Variants in FOXD4 observed in about 807,000 individuals in gnomAD.
FOXD4 encodes forkhead box D4.
In FOXD4, 22 loss-of-function variants were observed where a neutral mutation model predicts 26.5. The ratio of observed to expected loss-of-function variants is 0.83; its 90% CI spans 0.59 to 1.18. The LOEUF (loss-of-function observed/expected upper bound fraction) is 1.18. Among genes scored for constraint, FOXD4 ranks in the 50% most tolerant of loss-of-function variants. The pLI is 0.00. For missense variants in FOXD4, 625 were observed against 605.8 expected, an observed-to-expected ratio of 1.03 and a Z score of -0.33; for synonymous variants, 258 against 273.7, an observed-to-expected ratio of 0.94 and a Z score of 0.57.
rs1436016070 is a variant in FOXD4 at position 116,866 on chromosome 9, C to A, written c.1254G>T (p.Gly418=). ...GCGATACTAAAAAAACTGGTGAGGT[C>A]CCCTCTCCGCCCAAAGGGGCGGCCA... ...TSLAAPLGGE[G]TSPVFLVSPT... Residue 418 remains glycine, a synonymous_variant, in exon 1 of 1, where the codon GGG becomes GGT. Coordinates refer to ENST00000382500, the MANE Select transcript of FOXD4 (RefSeq NM_207305.5). The A allele has an allele frequency of 3.7e-6, 6 of 1,609,774 alleles. No homozygotes were observed. Among genetic ancestry groups the A allele is most frequent in the Non-Finnish European group, 5.1e-6 (6 of 1,178,530 alleles).
rs756908940 is a variant in FOXD4, at chr9:118,078, C to T, written c.42G>A (p.Gln14=). ...CCCCATCGGAGTCCCGGAGGCTGCGCTGCGGTGTGGAGCGAAGGCGCTCAG... is the reference window on the plus strand; with the variant it reads ...CCCCATCGGAGTCCCGGAGGCTGCGTTGCGGTGTGGAGCGAAGGCGCTCAG... ...PRAERLRSTP[Q]RSLRDSDGED... Residue 14 remains glutamine (Q), a synonymous_variant, in exon 1 of 1, where the codon CAG becomes CAA. Coordinates refer to ENST00000382500, the MANE Select transcript of FOXD4 (RefSeq NM_207305.5). 5 of 1,611,894 alleles carry T rather than the reference C, an allele frequency of 3.1e-6. No homozygotes were observed. The African/African-American group carries it at 5.3e-5, about 17-fold the overall frequency.
At position 118,408 on chromosome 9, in the gene FOXD4, G is replaced by C. The variant is rs1300350906; in HGVS notation, c.-289C>G. On this transcript the variant is annotated 5_prime_UTR_variant, in exon 1 of 1. In the 5' UTR this introduces an upstream ATG that the reference lacks. Transcript: ENST00000382500. ...CTTCCTCCTAACGTAGTCCAGGGATGATGGTCTTCTGGGCAAACACCGTCC... is the reference window on the plus strand; with the variant it reads ...CTTCCTCCTAACGTAGTCCAGGGATCATGGTCTTCTGGGCAAACACCGTCC... Among the ~76,000 whole-genome samples the C allele has an allele frequency of 6.7e-6, 1 of 149,776 alleles. No individual in the cohort carries two copies. Among genetic ancestry groups the C allele is most frequent in the Non-Finnish European group, 1.5e-5 (1 of 67,240 alleles).
In FOXD4 at chr9:116,809, C is replaced by G. The variant is rs201375121; in HGVS notation, c.1311G>C (p.Gly437=). The G allele has an allele frequency of 1.9e-6, 3 of 1,598,638 alleles. No individual in the cohort carries two copies. The African/African-American group carries it at 4.0e-5, about 21-fold the overall frequency. Residue 437 remains glycine, a synonymous_variant, in exon 1 of 1, where the codon GGG becomes GGC. Transcript: ENST00000382500. ...PTPSSLAESA[G]PS ...CCACTCCCACCTGGCTCTAGGAGGG[C>G]CCTGCGGACTCGGCCAGGGAACTGG...
rs753145975 is a variant in FOXD4, at chr9:117,107, C to T, written c.1013G>A (p.Arg338His). 1 of 1,611,836 alleles carries T rather than the reference C, an allele frequency of 6.2e-7. No homozygotes were observed. The highest frequency in any genetic ancestry group is 1.7e-5 in the Admixed American group (1 of 60,002). Residue 338 changes from arginine to histidine, a missense_variant, in exon 1 of 1, where the codon CGC becomes CAC. Transcript: ENST00000382500. ...KGSGERVQGL[R>H]RVCPRPRGAT... ...TCCACGCGGTCGGGGACAAACTCTG[C>T]GCAGCCCCTGTACCCGCTCCCCTGA...
At position 118,371 on chromosome 9, in the gene FOXD4, G is replaced by A. The variant is rs1819432444; in HGVS notation, c.-252C>T. 6.7e-6 allele frequency among the ~76,000 whole-genome samples: 1 copy of A among 149,700 alleles called. No individual in the cohort carries two copies. Among genetic ancestry groups the A allele is most frequent in the Non-Finnish European group, 1.5e-5 (1 of 67,256 alleles). On this transcript the variant is annotated 5_prime_UTR_variant, in exon 1 of 1. Transcript: ENST00000382500. The stretch of plus-strand genomic sequence containing the variant: ...TTTATAACCCTTCTTCCCCTACCTC[G>A]GAGCGGTGCCACTTCCTCCTAACGT...
At position 116,859 on chromosome 9, in the gene FOXD4, G is replaced by A. The variant is rs1233604757; in HGVS notation, c.1261C>T (p.Pro421Ser). Reference protein sequence around the residue: ...AAPLGGEGTSPVFLVSPTPSS... With the variant: ...AAPLGGEGTSSVFLVSPTPSS... Reference sequence around the variant, plus strand: ...GGCGTGGGCGATACTAAAAAAACTGGTGAGGTCCCCTCTCCGCCCAAAGGG... The same window carrying A: ...GGCGTGGGCGATACTAAAAAAACTGATGAGGTCCCCTCTCCGCCCAAAGGG... Residue 421 changes from proline to serine, a missense_variant, in exon 1 of 1, where the codon CCA becomes TCA. By Grantham distance (74) the Pro-to-Ser change is moderately conservative. Around this residue, in one of 3 missense-constraint regions of FOXD4, gnomAD observed 134 missense variants for 132.2 expected, o/e 1.01. Transcript: ENST00000382500. The A allele has an allele frequency of 6.2e-7, 1 of 1,609,066 alleles. No individual in the cohort carries two copies. Among genetic ancestry groups the A allele is most frequent in the Non-Finnish European group, 8.5e-7 (1 of 1,178,252 alleles).
In FOXD4 at chr9:117,799, G is replaced by C. The variant is rs758141156; in HGVS notation, c.321C>G (p.Ser107=). Residue 107 remains serine (S), a synonymous_variant, in exon 1 of 1, where the codon TCC becomes TCG. Coordinates refer to ENST00000382500, the MANE Select transcript of FOXD4 (RefSeq NM_207305.5). ...CCATGGTGATGAGCGCGATGTACGA[G>C]GAGGGGGGCTTTGCCGGCTGCCGGG... ...EDARQPAKPP[S]SYIALITMAI... 3 of 1,613,080 alleles carry C rather than the reference G, an allele frequency of 1.9e-6. No homozygotes were observed. The African/African-American group carries it at 4.0e-5, about 22-fold the overall frequency.
In FOXD4 at chr9:117,998, G is replaced by T. The variant is rs66612967; in HGVS notation, c.122C>A (p.Ala41Glu). 5,506 of 1,586,620 alleles carry T rather than the reference G, an allele frequency of 3.5e-3. 115 individuals are homozygous for T. In the African/African-American group the frequency reaches 0.064, roughly 18 times the overall value. The change falls in exon 1 of 1, where the codon GCG becomes GAG. Residue 41 changes from alanine to glutamate, a missense_variant. By Grantham distance (107) the Ala-to-Glu change is moderately radical. Around this residue, in one of 3 missense-constraint regions of FOXD4, gnomAD observed 399 missense variants for 329.4 expected, o/e 1.21. Transcript: ENST00000382500. ...CTGCTCTAGGAACTGCTGGCTCGCC[G>T]CCTCCTCCTCGTCTTCATCTTCCTC... ...GEEEDEDEEE[A>E]ASQQFLEQSL...
In FOXD4 at chr9:116,498, C is replaced by G; in HGVS notation, c.*302G>C. 2.0e-6 allele frequency: 1 copy of G among 510,818 alleles called. No individual in the cohort carries two copies. Among genetic ancestry groups the G allele is most frequent in the Non-Finnish European group, 3.5e-6 (1 of 283,446 alleles). The allele number at this position is 510,818 out of a possible 1,614,324, so 31.6% of individuals were successfully genotyped here. A position where few individuals can be genotyped will look rare whatever the true frequency, so the allele number is the denominator to read the frequency against. The stretch of plus-strand genomic sequence containing the variant: ...CGGAGGCTGTGTTTTTGTTTGCTTG[C>G]TTGTTTTTCTTTTAATGCCAGAACA... On this transcript the variant is annotated 3_prime_UTR_variant, in exon 1 of 1. Transcript: ENST00000382500.
In FOXD4 at chr9:117,031, C is replaced by T. The variant is rs758307266; in HGVS notation, c.1089G>A (p.Gln363=). 4.3e-6 allele frequency: 7 copies of T among 1,611,952 alleles called. No individual in the cohort carries two copies. The highest frequency in any genetic ancestry group is 5.1e-6 in the Non-Finnish European group (6 of 1,179,872). The change falls in exon 1 of 1, where the codon CAG becomes CAA. Residue 363 remains glutamine (Q), a synonymous_variant. Transcript: ENST00000382500. ...CCTCCTCCTGATGCCGCTGCTGTTG[C>T]TGCAAAATTGTCCGACAGGCTTGAC... The part of the protein sequence containing the change: ...SDRQACRTIL[Q]QQQRHQEEDC...
In FOXD4 at chr9:117,987, G is replaced by C. The variant is rs140127759; in HGVS notation, c.133C>G (p.Gln45Glu). 1.9e-6 allele frequency: 3 copies of C among 1,611,964 alleles called. No homozygotes were observed. The Admixed American group carries it at 5.0e-5, about 27-fold the overall frequency. The change falls in exon 1 of 1, where the codon CAG becomes GAG. Residue 45 changes from glutamine (Q) to glutamate (E), a missense_variant. By Grantham distance (29) the Gln-to-Glu change is conservative (BLOSUM62 2). Coordinates refer to ENST00000382500, the MANE Select transcript of FOXD4 (RefSeq NM_207305.5). ...DEDEEEAASQQFLEQSLQPGL... is the reference protein window; with the variant it reads ...DEDEEEAASQEFLEQSLQPGL... ...GGCTGGAGCGACTGCTCTAGGAACT[G>C]CTGGCTCGCCGCCTCCTCCTCGTCT... is the stretch of plus-strand genomic sequence containing the variant.
Position 118,086 on chromosome 9 carries a change from T to C in FOXD4, c.34A>G (p.Thr12Ala), listed in dbSNP as rs745728324. Residue 12 changes from threonine to alanine, a missense_variant, in exon 1 of 1, where the codon ACA becomes GCA. Transcript: ENST00000382500. ...NLPRAERLRS[T>A]PQRSLRDSDG... Reference sequence around the variant, plus strand: ...GAGTCCCGGAGGCTGCGCTGCGGTGTGGAGCGAAGGCGCTCAGCTCTTGGC... The same window carrying C: ...GAGTCCCGGAGGCTGCGCTGCGGTGCGGAGCGAAGGCGCTCAGCTCTTGGC... 1.9e-6 allele frequency: 3 copies of C among 1,612,008 alleles called. No homozygotes were observed. The highest frequency in any genetic ancestry group is 2.2e-5 in the East Asian group (1 of 44,880).
rs1366728362 is a variant in FOXD4, at chr9:117,786, G to A, written c.334C>T (p.Leu112Phe). Residue 112 changes from leucine to phenylalanine, a missense_variant, in exon 1 of 1, where the codon CTC becomes TTC. By Grantham distance (22) the Leu-to-Phe change is conservative. Transcript: ENST00000382500. ...PAKPPSSYIALITMAILQSPH... is the reference protein window; with the variant it reads ...PAKPPSSYIAFITMAILQSPH... ...CTTTGCAGGATGGCCATGGTGATGA[G>A]CGCGATGTACGAGGAGGGGGGCTTT... 2 of 1,613,278 alleles carry A rather than the reference G, an allele frequency of 1.2e-6. No homozygotes were observed. The highest frequency in any genetic ancestry group is 1.7e-6 in the Non-Finnish European group (2 of 1,180,014).
At position 116,732 on chromosome 9, in the gene FOXD4, A is replaced by C. The variant is rs994907071; in HGVS notation, c.*68T>G. 6 of 1,525,570 alleles carry C rather than the reference A, an allele frequency of 3.9e-6. No individual in the cohort carries two copies. In the African/African-American group the frequency reaches 8.3e-5, roughly 21 times the overall value. The allele number at this position is 1,525,570 out of a possible 1,614,324, so 94.5% of individuals were successfully genotyped here. On this transcript the variant is annotated 3_prime_UTR_variant, in exon 1 of 1. Coordinates refer to ENST00000382500, the MANE Select transcript of FOXD4 (RefSeq NM_207305.5). ...TTGCTCTCCAGCGGGATTCAGATGC[A>C]CACGCCCAGTATGGGCCGCGCAAGG...
Position 118,110 on chromosome 9 carries a change from G to A in FOXD4, c.10C>T (p.Pro4Ser), listed in dbSNP as rs771118671. 9 of 1,611,886 alleles carry A rather than the reference G, an allele frequency of 5.6e-6. No individual in the cohort carries two copies. Among genetic ancestry groups the A allele is most frequent in the Non-Finnish European group, 6.8e-6 (8 of 1,179,848 alleles). ...GTGGAGCGAAGGCGCTCAGCTCTTGGCAAGTTCATGGCGGAGCAGGTGCTT... is the reference window on the plus strand; with the variant it reads ...GTGGAGCGAAGGCGCTCAGCTCTTGACAAGTTCATGGCGGAGCAGGTGCTT... MNL[P>S]RAERLRSTPQ... Residue 4 changes from proline to serine, a missense_variant, in exon 1 of 1, where the codon CCA becomes TCA. This residue lies in a region of FOXD4 where 399 missense variants were observed against 329.4 expected (regional missense o/e 1.21). Coordinates refer to ENST00000382500, the MANE Select transcript of FOXD4 (RefSeq NM_207305.5).
rs1290783277 is a variant in FOXD4, at chr9:116,741, G to T, written c.*59C>A. 3.3e-6 allele frequency: 5 copies of T among 1,537,804 alleles called. No homozygotes were observed. The highest frequency in any genetic ancestry group is 4.4e-6 in the Non-Finnish European group (5 of 1,144,868). On this transcript the variant is annotated 3_prime_UTR_variant, in exon 1 of 1. Transcript: ENST00000382500. ...AGCGGGATTCAGATGCACACGCCCA[G>T]TATGGGCCGCGCAAGGTGGAGTGAG...
chr9:117,729 A>T lies in FOXD4; in HGVS notation c.391T>A (p.Cys131Ser), dbSNP rs760185839. 1 of 1,613,170 alleles carries T rather than the reference A, an allele frequency of 6.2e-7. No homozygotes were observed. The highest frequency in any genetic ancestry group is 2.2e-5 in the East Asian group (1 of 44,858). The change falls in exon 1 of 1, where the codon TGC (cysteine) becomes AGC (serine). Residue 131 changes from cysteine to serine, a missense_variant. This residue lies in a region of FOXD4 where 399 missense variants were observed against 329.4 expected (regional missense o/e 1.21). Transcript: ENST00000382500. ...GGGAAGCGGTCACTAATGAAGGCGCAGATGCCGCTGAGCGTGAGGCGCTTG... is the reference window on the plus strand; with the variant it reads ...GGGAAGCGGTCACTAATGAAGGCGCTGATGCCGCTGAGCGTGAGGCGCTTG... ...PHKRLTLSGI[C>S]AFISDRFPYY...
rs761002019 is a variant in FOXD4 at position 117,394 on chromosome 9, G to T, written c.726C>A (p.Val242=). ...GGCCGGTGTTGGGGTAGGCCCCCGG[G>T]ACTGGCTGCGGCGGGGCAGGGGCCC... ...LLGAPAPPQP[V]PGAYPNTGPG... The change falls in exon 1 of 1, where the codon GTC becomes GTA. Residue 242 remains valine (V), a synonymous_variant. Coordinates refer to ENST00000382500, the MANE Select transcript of FOXD4 (RefSeq NM_207305.5). The T allele has an allele frequency of 3.0e-5, 48 of 1,592,400 alleles. No individual in the cohort carries two copies. Among genetic ancestry groups the T allele is most frequent in the South Asian group, 1.5e-4 (14 of 90,790 alleles).
At position 117,580 on chromosome 9, in the gene FOXD4, C is replaced by A; in HGVS notation, c.540G>T (p.Leu180=). Residue 180 remains leucine, a synonymous_variant, in exon 1 of 1, where the codon CTG becomes CTT. Coordinates refer to ENST00000382500, the MANE Select transcript of FOXD4 (RefSeq NM_207305.5). ...CGAACATGTCCTGGGAGGCGGGGTC[C>A]AGGCTCCAGTAGTTGCCCTTGCCTG... is the stretch of plus-strand genomic sequence containing the variant. ...GRPGKGNYWS[L]DPASQDMFDN... The A allele has an allele frequency of 1.2e-6, 2 of 1,613,704 alleles. No homozygotes were observed. Among genetic ancestry groups the A allele is most frequent in the Middle Eastern group, 1.8e-4 (1 of 5,644 alleles).
Sources: allele counts gnomAD v4.1 joint callset (sites outside exome capture counted in the v4.1 genomes callset), GRCh38; gene constraint gnomAD v4.1.1; regional missense constraint gnomAD v4.1.1; transcripts MANE v1.5; gene names NCBI Gene and HGNC (gene_info 2026-07-23, HGNC 2026-07-21).